The following SYNE2 variants were observed in gnomAD, a reference collection of about 807,000 sequenced individuals.
SYNE2 encodes spectrin repeat containing nuclear envelope protein 2.
In SYNE2, 431 loss-of-function variants were observed where a neutral mutation model predicts 856.3. That is an observed-to-expected ratio of 0.50 (90% CI 0.47 to 0.55). The LOEUF (loss-of-function observed/expected upper bound fraction) is 0.55. SYNE2 is among the 20% of genes least tolerant of loss of function. SYNE2 has a pLI of 0.00. For missense variants in SYNE2, 8,129 were observed against 8,023.2 expected, an observed-to-expected ratio of 1.01 and a Z score of -0.50; for synonymous variants, 2,923 against 2,872.3, an observed-to-expected ratio of 1.02 and a Z score of -0.56.
intron 99 of SYNE2, among the ~76,000 whole-genome samples, chr14:64,196,171 A>G (rs1485931420): frequency 6.6e-6 from 1 of 152,180 alleles, no homozygotes; most frequent in East Asian, 1.9e-4. Context: ...TTCTGATTCC[A>G]CTGGTATAGC....
At chr14:64,198,417 A>C (rs2098548788) in intron 99 of SYNE2, among the ~76,000 whole-genome samples, 3 of 152,246 alleles carry the variant, frequency 2.0e-5, no homozygotes, top group Non-Finnish European at 4.4e-5. Flanking sequence ...ACAGGTGATA[A>C]TTAGATTACA....
At chr14:64,144,006 G>GA in intron 83 of SYNE2, 58 bp downstream of exon 83, 1 of 1,602,928 alleles carries the variant, frequency 6.2e-7, no homozygotes, top group Non-Finnish European at 8.5e-7. Flanking sequence ...CACACTTTCT[G>GA]AAAAATCAAA....
Position 64,219,422 on chromosome 14 carries a change from G to A in SYNE2, c.19860+12G>A. On this transcript the variant is annotated intron_variant, in intron 110 of 115. Coordinates refer to ENST00000555002, the MANE Select transcript of SYNE2 (RefSeq NM_182914.3). Reference sequence around the variant, plus strand: ...TGAAGAGACTGCAGGTGAGTTAGAGGTGTGGTGGGGAAGAGGGATTCAGAA... The same window carrying A: ...TGAAGAGACTGCAGGTGAGTTAGAGATGTGGTGGGGAAGAGGGATTCAGAA... 6.2e-7 allele frequency: 1 copy of A among 1,613,318 alleles called. No individual in the cohort carries two copies. The highest frequency in any genetic ancestry group is 1.1e-5 in the South Asian group (1 of 91,004).
At chr14:64,066,719 T>G (rs1453028530) in intron 51 of SYNE2, among the ~76,000 whole-genome samples, 2 of 152,196 alleles carry the variant, frequency 1.3e-5, no homozygotes, top group African/African-American at 4.8e-5. Context: ...TGCCTGTCCA[T>G]AGTGGTACCA....
rs118004985 is a variant in SYNE2, at chr14:63,954,815, C to G, written c.687C>G (p.Asp229Glu). The change falls in exon 8 of 116, where the codon GAC (aspartate) becomes GAG (glutamate). Residue 229 changes from aspartate (D) to glutamate (E), a missense_variant. Coordinates refer to ENST00000555002, the MANE Select transcript of SYNE2 (RefSeq NM_182914.3). ...IIHALRPDLI[D>E]MKSVKHRSNK... ...ATGCCTTGCGACCAGACCTAATTGA[C>G]ATGAAGAGTGTGAAGCATAGATCCA... 7.4e-5 allele frequency: 120 copies of G among 1,613,934 alleles called. 1 individual carries two copies. The East Asian group carries it at 2.6e-3, about 34-fold the overall frequency.
chr14:63,855,253 A>G (rs1891420454), intron 1 of SYNE2, among the ~76,000 whole-genome samples: 2 of 152,202 alleles, frequency 1.3e-5, no homozygotes, highest in African/African-American at 4.8e-5. Flanking sequence ...GAATCTAGGC[A>G]GGAAATAAAA....
chr14:64,221,713 C>T lies in SYNE2; in HGVS notation c.20190+9C>T, dbSNP rs760103268. The stretch of plus-strand genomic sequence containing the variant: ...GTCGGAGGGAACTAATGGTAAGTTT[C>T]CTCCCAAGGGCTCTGTACTGCCACC... On this transcript the variant is annotated intron_variant, in intron 112 of 115. Transcript: ENST00000555002. 5 of 1,613,742 alleles carry T rather than the reference C, an allele frequency of 3.1e-6. No homozygotes were observed. The South Asian group carries it at 4.4e-5, about 14-fold the overall frequency.
At chr14:64,135,452 T>C (rs1172463957) in intron 78 of SYNE2, among the ~76,000 whole-genome samples, 1 of 151,976 alleles carries the variant, frequency 6.6e-6, no homozygotes, top group African/African-American at 2.4e-5. Context: ...TTATTAATTA[T>C]ATTGAGCCTA....
rs2098310379 is a variant in SYNE2 at position 64,159,295 on chromosome 14, T to C, written c.15964-17T>C. 4 of 1,613,716 alleles carry C rather than the reference T, an allele frequency of 2.5e-6. No homozygotes were observed. The highest frequency in any genetic ancestry group is 2.7e-5 in the African/African-American group (2 of 75,008). On this transcript the variant is annotated splice_polypyrimidine_tract_variant and intron_variant, in intron 86 of 115. Transcript: ENST00000555002. The stretch of plus-strand genomic sequence containing the variant: ...CAGGCCATTCTGAAACTTAAATTTC[T>C]TGTTTGTGTCTCTTAGTCTCTGCAA...
At chr14:63,961,427 C>T in intron 8 of SYNE2, 98 bp from the exon 9 acceptor site, 1 of 1,000,628 alleles carries the variant, frequency 1.0e-6, no homozygotes, top group South Asian at 1.4e-5. Flanking sequence ...TTTCCAGAGC[C>T]TGTGAACCAA....
intron 1 of SYNE2, among the ~76,000 whole-genome samples, chr14:63,893,724 G>C (rs969786824): frequency 6.6e-6 from 1 of 152,188 alleles, no homozygotes; most frequent in Non-Finnish European, 1.5e-5. Flanking sequence ...CACAGGACTA[G>C]AATCTGGAAT....
At chr14:64,134,329 T>C (rs1036615541) in intron 78 of SYNE2, 129 bp downstream of exon 78, 8 of 995,298 alleles carry the variant, frequency 8.0e-6, no homozygotes, top group Non-Finnish European at 1.1e-5. Context: ...AACTCACTGT[T>C]GAATGTATTC....
intron 82 of SYNE2, 96 bp downstream of exon 82, chr14:64,142,184 A>C: frequency 1.4e-6 from 2 of 1,439,322 alleles, no homozygotes; most frequent in Non-Finnish European, 1.9e-6. Flanking sequence ...ATATAATTTC[A>C]AAAAACTAAT....
Position 64,221,402 on chromosome 14 carries a change from C to G in SYNE2, c.20062-174C>G. 4 of 1,177,124 alleles carry G rather than the reference C, an allele frequency of 3.4e-6. No individual in the cohort carries two copies. In the South Asian group the frequency reaches 5.6e-5, roughly 17 times the overall value. The allele number at this position is 1,177,124 out of a possible 1,614,324, so 72.9% of individuals were successfully genotyped here. On this transcript the variant is annotated intron_variant, in intron 111 of 115. Transcript: ENST00000555002. Reference sequence around the variant, plus strand: ...ACTGTGCTGAGTGTCTTCCTTCTTTCCTCTTCCTCATTTTGGGGCCCTGGC... The same window carrying G: ...ACTGTGCTGAGTGTCTTCCTTCTTTGCTCTTCCTCATTTTGGGGCCCTGGC...
chr14:64,061,210 C>G (rs2153586551), intron 49 of SYNE2, among the ~76,000 whole-genome samples: 1 of 152,246 alleles, frequency 6.6e-6, no homozygotes, highest in South Asian at 2.1e-4. Flanking sequence ...CCATCTTGCT[C>G]CTCCTGCATA....
chr14:64,065,570 C>A lies in SYNE2; in HGVS notation c.10351C>A (p.Leu3451Met). The change falls in exon 51 of 116, where the codon CTG (leucine) becomes ATG (methionine). Residue 3451 changes from leucine (L) to methionine (M), a missense_variant. Coordinates refer to ENST00000555002, the MANE Select transcript of SYNE2 (RefSeq NM_182914.3). ...TGTGTCGGCTCTGTGGGAGAAATGGCTGAGTTTGCTGGAAGCTGCTAAAGA... is the reference window on the plus strand; with the variant it reads ...TGTGTCGGCTCTGTGGGAGAAATGGATGAGTTTGCTGGAAGCTGCTAAAGA... ...KIVSALWEKW[L>M]SLLEAAKEWE... The A allele has an allele frequency of 6.2e-7, 1 of 1,614,052 alleles. No individual in the cohort carries two copies. Among genetic ancestry groups the A allele is most frequent in the Non-Finnish European group, 8.5e-7 (1 of 1,180,030 alleles).
intron 99 of SYNE2, among the ~76,000 whole-genome samples, chr14:64,201,085 T>C (rs960469969): frequency 3.3e-5 from 5 of 152,216 alleles, no homozygotes; most frequent in African/African-American, 9.6e-5. Flanking sequence ...GCAAGGTGGA[T>C]AATTTTACAG....
intron 1 of SYNE2, among the ~76,000 whole-genome samples, chr14:63,813,227 A>G (rs1303262783): frequency 2.6e-5 from 4 of 152,216 alleles, no homozygotes; most frequent in African/African-American, 9.6e-5. Flanking sequence ...TAATGAGACT[A>G]AACTTATTTT....
At chr14:63,835,611 G>C (rs988412472) in intron 1 of SYNE2, among the ~76,000 whole-genome samples, 7 of 151,754 alleles carry the variant, frequency 4.6e-5, no homozygotes, top group Admixed American at 6.6e-5. Context: ...AGCCCTGAAA[G>C]TACATGTTAA....
Sources: gnomAD v4.1 joint callset for allele counts (sites outside exome capture counted in the v4.1 genomes callset) on GRCh38, gnomAD v4.1.1 for gene constraint, MANE v1.5 for transcripts, NCBI Gene and HGNC (gene_info 2026-07-23, HGNC 2026-07-21) for gene names.